Variants in KPNA7 observed in about 807,000 individuals in gnomAD.
KPNA7 encodes the protein karyopherin subunit alpha 7, also known as importin subunit alpha-8.
A neutral mutation model predicts 53.7 loss-of-function variants in KPNA7; 54 were observed. The ratio of observed to expected loss-of-function variants is 1.01; its 90% CI spans 0.81 to 1.26. The LOEUF (loss-of-function observed/expected upper bound fraction) is 1.26, where lower values mean the gene tolerates loss of function less well. Ranked by LOEUF, KPNA7 falls within the 50% of genes most tolerant of loss-of-function variation. KPNA7 has a pLI of 0.00. For missense variants in KPNA7, 640 were observed against 644.5 expected (o/e 0.99, Z 0.07); for synonymous variants, 276 against 259.3 (o/e 1.06, Z -0.62).
At chr7:99,186,835 G>A (rs1789619293) in intron 7 of KPNA7, among the ~76,000 whole-genome samples, 1 of 152,102 alleles carries the variant, frequency 6.6e-6, no homozygotes, top group Non-Finnish European at 1.5e-5. Flanking sequence ...CATCTGAGAA[G>A]TCCTATGCTA....
the KPNA7 span, among the ~76,000 whole-genome samples, chr7:99,146,381 T>C: frequency 6.6e-6 from 1 of 152,164 alleles, no homozygotes; most frequent in African/African-American, 2.4e-5. Flanking sequence ...TGGGGTTACA[T>C]TCTGATAAAC....
chr7:99,179,704 C>G lies in KPNA7; in HGVS notation c.1318-1638G>C, dbSNP rs371504211. On this transcript the variant is annotated intron_variant, in intron 9 of 10. Transcript: ENST00000327442. ...GGTTCAAGTGATTCTCATGCCTCAG[C>G]CTCCCGAGTAGCTGGGATTACAGGC... Among the ~76,000 whole-genome samples, 907 of 151,986 alleles carry G rather than the reference C, an allele frequency of 6.0e-3. 7 individuals are homozygous for G. Among genetic ancestry groups the G allele is most frequent in the African/African-American group, 0.021 (884 of 41,468 alleles).
the KPNA7 span, among the ~76,000 whole-genome samples, chr7:99,150,287 G>A: frequency 6.6e-6 from 1 of 152,044 alleles, no homozygotes; most frequent in South Asian, 2.1e-4. Context: ...GTAGAGACAG[G>A]GTTTCACTAT....
upstream of KPNA7, among the ~76,000 whole-genome samples, chr7:99,208,118 C>A (rs893422586): frequency 1.3e-5 from 2 of 152,018 alleles, no homozygotes; most frequent in Non-Finnish European, 2.9e-5. Flanking sequence ...ACTCTGTCAC[C>A]CGGGCTGGAG....
At chr7:99,159,903 T>C in the KPNA7 span, among the ~76,000 whole-genome samples, 4 of 152,202 alleles carry the variant, frequency 2.6e-5, no homozygotes, top group South Asian at 8.3e-4. Flanking sequence ...AATTTTTTAG[T>C]TGGAATTTAT....
At chr7:99,174,315 A>G (rs747940060) in intron 10 of KPNA7, among the ~76,000 whole-genome samples, 4 of 152,192 alleles carry the variant, frequency 2.6e-5, no homozygotes, top group Non-Finnish European at 2.9e-5. Context: ...GTCTAGTTGC[A>G]GGAAAAGATC....
Position 99,203,121 on chromosome 7 carries a change from T to G in KPNA7, c.186A>C (p.Thr62=), listed in dbSNP as rs750799437. ...SFCPDTPSEK[T]AKGVAVSLTL... ...ACATACTGACCGCCACCCCTTTGGC[T>G]GTTTTTTCAGAAGGTGTGTCAGGGC... is the stretch of plus-strand genomic sequence containing the variant. Residue 62 remains threonine (T), a synonymous_variant, in exon 3 of 11, where the codon ACA becomes ACC. Coordinates refer to ENST00000327442, the MANE Select transcript of KPNA7 (RefSeq NM_001145715.3). 6.4e-7 allele frequency: 1 copy of G among 1,551,692 alleles called. No homozygotes were observed. Among genetic ancestry groups the G allele is most frequent in the Non-Finnish European group, 8.7e-7 (1 of 1,146,982 alleles).
At chr7:99,149,937 TGC>T in the KPNA7 span, among the ~76,000 whole-genome samples, 2 of 151,648 alleles carry the variant, frequency 1.3e-5, no homozygotes, top group East Asian at 3.9e-4. Flanking sequence ...TCAGACAGAC[TGC>T]AGGCACGTGC....
intron 9 of KPNA7, among the ~76,000 whole-genome samples, chr7:99,180,609 C>T (rs1799137791): frequency 7.3e-6 from 1 of 137,310 alleles, no homozygotes; most frequent in South Asian, 2.6e-4. Flanking sequence ...GTCTCTGTCT[C>T]TCTCCCCATC....
At chr7:99,198,821 A>G (rs1321253935) in intron 3 of KPNA7, among the ~76,000 whole-genome samples, 1 of 152,128 alleles carries the variant, frequency 6.6e-6, no homozygotes, top group Non-Finnish European at 1.5e-5. Context: ...GGAAAGGAAG[A>G]AATAAAACTA....
rs1798812149 is a variant in KPNA7 at position 99,173,677 on chromosome 7, G to A, written c.*31C>T. ...CTTAAAGAAGTTATCCTTTAGCACT[G>A]GGTTGTTGGTTTAGGAGGTAGGGAG... On this transcript the variant is annotated 3_prime_UTR_variant, in exon 11 of 11. Transcript: ENST00000327442. 5.8e-6 allele frequency: 8 copies of A among 1,385,522 alleles called. No individual in the cohort carries two copies. In the African/African-American group the frequency reaches 1.0e-4, roughly 17 times the overall value. The allele number at this position is 1,385,522 out of a possible 1,614,324, so 85.8% of individuals were successfully genotyped here. A position where few individuals can be genotyped will look rare whatever the true frequency, so the allele number is the denominator to read the frequency against.
chr7:99,198,016 C>T (rs1790317609), intron 3 of KPNA7, among the ~76,000 whole-genome samples: 1 of 152,174 alleles, frequency 6.6e-6, no homozygotes, highest in African/African-American at 2.4e-5. Context: ...AAGATCCAGA[C>T]ATATTATAAT....
At chr7:99,171,065 C>T (rs1479626828), downstream of KPNA7, among the ~76,000 whole-genome samples, 1 of 151,922 alleles carries the variant, frequency 6.6e-6, no homozygotes, top group Non-Finnish European at 1.5e-5. Context: ...AAAAAAAATA[C>T]AAAAATTAGC....
the KPNA7 span, among the ~76,000 whole-genome samples, chr7:99,161,707 T>C: frequency 3.3e-5 from 5 of 152,334 alleles, no homozygotes; most frequent in African/African-American, 1.2e-4. Flanking sequence ...TCCAGTTTAC[T>C]TGGAAATTGA....
chr7:99,188,635 A>G (rs1789767643), intron 6 of KPNA7, 72 bp from the exon 7 acceptor site: 5 of 1,419,386 alleles, frequency 3.5e-6, no homozygotes, highest in Admixed American at 2.0e-5. Context: ...TGTTCTTACC[A>G]TTTCCAATCA....
chr7:99,159,339 A>G, the KPNA7 span, among the ~76,000 whole-genome samples: 2 of 102,456 alleles, frequency 2.0e-5, no homozygotes, highest in African/African-American at 7.5e-5. Flanking sequence ...ACACAGGGAG[A>G]CACTGTCTCA....
chr7:99,175,940 C>T (rs1199334483), intron 10 of KPNA7, among the ~76,000 whole-genome samples: 1 of 152,146 alleles, frequency 6.6e-6, no homozygotes, highest in East Asian at 1.9e-4. Flanking sequence ...AGAAGTGTCA[C>T]TCTGTAAACT....
the KPNA7 span, among the ~76,000 whole-genome samples, chr7:99,150,225 A>G: frequency 1.3e-5 from 2 of 151,654 alleles, no homozygotes; most frequent in African/African-American, 4.9e-5. Flanking sequence ...CCTCCTGAGT[A>G]GCTGAGATTA....
At chr7:99,194,379 C>T (rs1362368454) in intron 5 of KPNA7, among the ~76,000 whole-genome samples, 2 of 152,094 alleles carry the variant, frequency 1.3e-5, no homozygotes, top group African/African-American at 4.8e-5. Context: ...TGGCACGTTC[C>T]CTTAGCAACT....
Sources: gnomAD v4.1 joint callset for allele counts (sites outside exome capture counted in the v4.1 genomes callset) on GRCh38, gnomAD v4.1.1 for gene constraint, MANE v1.5 for transcripts, NCBI Gene and HGNC (gene_info 2026-07-23, HGNC 2026-07-21) for gene names.